The following CALY variants were observed in gnomAD, a reference collection of about 807,000 sequenced individuals.
CALY encodes neuron-specific vesicular protein calcyon.
CALY carries 15 observed loss-of-function variants against 20.2 expected under a neutral mutation model. The ratio of observed to expected loss-of-function variants is 0.74; its 90% CI spans 0.50 to 1.14. CALY has a LOEUF of 1.14. Ranked by LOEUF, CALY falls within the 50% of genes most tolerant of loss-of-function variation. CALY has a pLI of 0.00. For missense variants in CALY, 270 were observed against 304.4 expected, an observed-to-expected ratio of 0.89 and a Z score of 0.84; for synonymous variants, 129 against 131.8, an observed-to-expected ratio of 0.98 and a Z score of 0.15.
Position 133,331,963 on chromosome 10 carries a change from C to T in CALY, c.-20-2954G>A, listed in dbSNP as rs571674544. 9.9e-5 allele frequency among the ~76,000 whole-genome samples: 15 copies of T among 152,164 alleles called. No homozygotes were observed. The South Asian group carries it at 2.1e-3, about 21-fold the overall frequency. On this transcript the variant is annotated intron_variant, in intron 1 of 5. Coordinates refer to ENST00000252939, the MANE Select transcript of CALY (RefSeq NM_015722.4). ...CCAACATGGTGAAACCCTGTCTCGA[C>T]TAAAAATACAAAAACTAGCCGGGCA...
intron 5 of CALY, 72 bp downstream of exon 5, chr10:133,325,727 C>T: frequency 1.5e-6 from 1 of 674,888 alleles, no homozygotes; most frequent in Non-Finnish European, 2.0e-6. Context: ...GGGTCTTTGG[C>T]TCAGAAGCGG....
chr10:133,326,780 T>G, intron 4 of CALY, 98 bp downstream of exon 4: 1 of 726,338 alleles, frequency 1.4e-6, no homozygotes, highest in East Asian at 2.7e-5. Flanking sequence ...GGAGACCACG[T>G]TCCCCCAGCA....
At chr10:133,329,254 C>A (rs1261938409) in intron 1 of CALY, among the ~76,000 whole-genome samples, 1 of 152,238 alleles carries the variant, frequency 6.6e-6, no homozygotes, top group Non-Finnish European at 1.5e-5. Context: ...GTACAGCGCC[C>A]CAACCAGTGA....
At chr10:133,327,035 C>A (rs375665664) in intron 3 of CALY, 44 bp from the exon 4 acceptor site, 1 of 1,417,502 alleles carries the variant, frequency 7.1e-7, no homozygotes, top group Non-Finnish European at 9.8e-7. Flanking sequence ...CAGGCAGGGG[C>A]GGTCTTTGTG....
chr10:133,324,698 A>C lies in CALY; in HGVS notation c.*897T>G, dbSNP rs1303757702. The C allele has an allele frequency of 2.9e-6, 1 of 342,912 alleles. No individual in the cohort carries two copies. The allele number at this position is 342,912 out of a possible 1,614,324, so 21.2% of individuals were successfully genotyped here. A position where few individuals can be genotyped will look rare whatever the true frequency, so the allele number is the denominator to read the frequency against. On this transcript the variant is annotated 3_prime_UTR_variant, in exon 6 of 6. Coordinates refer to ENST00000252939, the MANE Select transcript of CALY (RefSeq NM_015722.4). ...GCAGGTGGTGGGTGAGATCTGCCGGAAGTCCATTCCCTGTAGTGTTCAGTG... is the reference window on the plus strand; with the variant it reads ...GCAGGTGGTGGGTGAGATCTGCCGGCAGTCCATTCCCTGTAGTGTTCAGTG...
In CALY at chr10:133,324,267, C is replaced by G; in HGVS notation, c.*1328G>C. On this transcript the variant is annotated 3_prime_UTR_variant, in exon 6 of 6. Transcript: ENST00000252939. ...AGTGAAGGGTGTGGTGTGCATGGCC[C>G]TGCCTTCCCTGACCCCACCTGGCTG... The G allele has an allele frequency of 2.2e-6, 1 of 448,300 alleles. No homozygotes were observed. The highest frequency in any genetic ancestry group is 4.5e-6 in the Non-Finnish European group (1 of 222,482). 27.8% of individuals were successfully genotyped at this position (448,300 alleles called of 1,614,324 possible). A position where few individuals can be genotyped will look rare whatever the true frequency, so the allele number is the denominator to read the frequency against.
At position 133,324,705 on chromosome 10, in the gene CALY, T is replaced by C. The variant is rs1235621112; in HGVS notation, c.*890A>G. 3.0e-6 allele frequency: 1 copy of C among 333,032 alleles called. No individual in the cohort carries two copies. The highest frequency in any genetic ancestry group is 2.4e-5 in the African/African-American group (1 of 41,528). 20.6% of individuals were successfully genotyped at this position (333,032 alleles called of 1,614,324 possible). A position where few individuals can be genotyped will look rare whatever the true frequency, so the allele number is the denominator to read the frequency against. On this transcript the variant is annotated 3_prime_UTR_variant, in exon 6 of 6. Coordinates refer to ENST00000252939, the MANE Select transcript of CALY (RefSeq NM_015722.4). Reference sequence around the variant, plus strand: ...GTGGGTGAGATCTGCCGGAAGTCCATTCCCTGTAGTGTTCAGTGCCGGGAG... The same window carrying C: ...GTGGGTGAGATCTGCCGGAAGTCCACTCCCTGTAGTGTTCAGTGCCGGGAG...
Position 133,324,384 on chromosome 10 carries a change from T to C in CALY, c.*1211A>G, listed in dbSNP as rs1470653747. On this transcript the variant is annotated 3_prime_UTR_variant, in exon 6 of 6. Coordinates refer to ENST00000252939, the MANE Select transcript of CALY (RefSeq NM_015722.4). ...CCAAAGCAGGCCAGTCCCACTGAGC[T>C]GGGAAGCTGCCTAGACCCGCACCTA... 7 of 448,496 alleles carry C rather than the reference T, an allele frequency of 1.6e-5. No individual in the cohort carries two copies. Among genetic ancestry groups the C allele is most frequent in the Admixed American group, 1.2e-4 (5 of 41,994 alleles). 27.8% of individuals were successfully genotyped at this position (448,496 alleles called of 1,614,324 possible). A position where few individuals can be genotyped will look rare whatever the true frequency, so the allele number is the denominator to read the frequency against.
chr10:133,327,776 T>C (rs1848238118), intron 3 of CALY, 129 bp downstream of exon 3: 1 of 733,408 alleles, frequency 1.4e-6, no homozygotes, highest in African/African-American at 1.7e-5. Flanking sequence ...GATGACTCAC[T>C]GCCACCCTCT....
chr10:133,335,927 G>C (rs1195387855), intron 1 of CALY, among the ~76,000 whole-genome samples: 1 of 152,212 alleles, frequency 6.6e-6, no homozygotes, highest in Non-Finnish European at 1.5e-5. Context: ...TGGCGGGGGC[G>C]GGGGTGCAGG....
chr10:133,330,807 A>G (rs1170075629), intron 1 of CALY, among the ~76,000 whole-genome samples: 2 of 151,630 alleles, frequency 1.3e-5, no homozygotes, highest in African/African-American at 4.9e-5. Context: ...GGGAGCACTC[A>G]CCAGCTCCTG....
Position 133,333,571 on chromosome 10 carries a change from T to C in CALY, c.-21+3263A>G, listed in dbSNP as rs532141166. On this transcript the variant is annotated intron_variant, in intron 1 of 5. Coordinates refer to ENST00000252939, the MANE Select transcript of CALY (RefSeq NM_015722.4). ...GACTTGGGGAACGATCCAAGTGGGG[T>C]AGGATCCCAGGTGGGAAGGGTCGGA... 1.7e-4 allele frequency among the ~76,000 whole-genome samples: 24 copies of C among 139,538 alleles called. No homozygotes were observed. In the South Asian group the frequency reaches 5.7e-3, roughly 33 times the overall value. The allele number at this position is 139,538 out of a possible 152,430, so 91.5% of individuals were successfully genotyped here.
At chr10:133,326,298 A>C in intron 4 of CALY, 178 bp from the exon 5 acceptor site, 1 of 1,549,224 alleles carries the variant, frequency 6.5e-7, no homozygotes, top group Non-Finnish European at 8.7e-7. Context: ...GGCATGGAGC[A>C]GGAGGTCGCG....
At chr10:133,335,504 G>A (rs929245550) in intron 1 of CALY, among the ~76,000 whole-genome samples, 6 of 152,196 alleles carry the variant, frequency 3.9e-5, no homozygotes, top group Non-Finnish European at 1.5e-5. Context: ...GGCCCGAGAC[G>A]CGTCTTCAGG....
chr10:133,330,052 G>A (rs925096916), intron 1 of CALY, among the ~76,000 whole-genome samples: 2 of 152,264 alleles, frequency 1.3e-5, no homozygotes, highest in South Asian at 2.1e-4. Flanking sequence ...GAGAAGCCGA[G>A]GGTGCCCGGC....
chr10:133,331,751 A>G (rs1398625673), intron 1 of CALY, among the ~76,000 whole-genome samples: 3 of 152,216 alleles, frequency 2.0e-5, no homozygotes, highest in African/African-American at 7.2e-5. Flanking sequence ...GCAAAATCCC[A>G]ACAGGGTTTT....
rs1415229540 is a variant in CALY at position 133,324,928 on chromosome 10, T to C, written c.*667A>G. 1.4e-5 allele frequency: 3 copies of C among 220,138 alleles called. No homozygotes were observed. The highest frequency in any genetic ancestry group is 2.8e-5 in the Non-Finnish European group (3 of 108,438). The allele number at this position is 220,138 out of a possible 1,614,324, so 13.6% of individuals were successfully genotyped here. On this transcript the variant is annotated 3_prime_UTR_variant, in exon 6 of 6. Transcript: ENST00000252939. ...CCCCTCATCAGGCCCCACTCCCCACTCAGACGCCCCCATTCACTCCTTTCT... is the reference window on the plus strand; with the variant it reads ...CCCCTCATCAGGCCCCACTCCCCACCCAGACGCCCCCATTCACTCCTTTCT...
intron 1 of CALY, among the ~76,000 whole-genome samples, chr10:133,336,267 C>G (rs942797320): frequency 4.6e-5 from 7 of 152,154 alleles, no homozygotes; most frequent in South Asian, 2.1e-4. Context: ...CCTGTGGCCC[C>G]GCACCCGAGC....
Position 133,335,608 on chromosome 10 carries a change from CTG to C in CALY, c.-21+1224_-21+1225del, listed in dbSNP as rs533443185. Reference sequence around the variant, plus strand: ...GCGGGGTTGGAAAGGGGGGACTAGCCTGTGTGTGGGGTCCAACCCCCCCACCC... The same window carrying C: ...GCGGGGTTGGAAAGGGGGGACTAGCCTGTGTGGGGTCCAACCCCCCCACCC... On this transcript the variant is annotated intron_variant, in intron 1 of 5. Coordinates refer to ENST00000252939, the MANE Select transcript of CALY (RefSeq NM_015722.4). Among the ~76,000 whole-genome samples the C allele has an allele frequency of 6.0e-3, 912 of 152,306 alleles. 4 individuals are homozygous for C. Among genetic ancestry groups the C allele is most frequent in the Non-Finnish European group, 0.011 (736 of 68,006 alleles).
Sources: gnomAD v4.1 joint callset for allele counts (sites outside exome capture counted in the v4.1 genomes callset) on GRCh38, gnomAD v4.1.1 for gene constraint, MANE v1.5 for transcripts, NCBI Gene and HGNC (gene_info 2026-07-23, HGNC 2026-07-21) for gene names.